The following RAD9B variants were observed in gnomAD, a reference collection of about 807,000 sequenced individuals.
The protein encoded by RAD9B is cell cycle checkpoint control protein RAD9B.
A neutral mutation model predicts 48.3 loss-of-function variants in RAD9B; 41 were observed. The observed-to-expected ratio is 0.85, with a 90% confidence interval of 0.66 to 1.10. The LOEUF is 1.10. Among genes scored for constraint, RAD9B ranks in the 50% least tolerant of loss-of-function variants. RAD9B has a pLI of 0.00. For synonymous variants in RAD9B, 160 were observed against 157.9 expected (o/e 1.01, Z -0.10); for missense variants, 444 against 485.1 (o/e 0.92, Z 0.80).
At chr12:110,510,865 G>T (rs2063437156) in intron 4 of RAD9B, among the ~76,000 whole-genome samples, 1 of 151,888 alleles carries the variant, frequency 6.6e-6, no homozygotes, top group Non-Finnish European at 1.5e-5. Context: ...GAGATGGGAG[G>T]ATCACTTGAG....
chr12:110,512,906 T>G (rs774042450), intron 5 of RAD9B, 28 bp downstream of exon 5: 1 of 1,073,002 alleles, frequency 9.3e-7, no homozygotes. Flanking sequence ...GTCAGTTTTT[T>G]TCACCTGAAT....
intron 4 of RAD9B, among the ~76,000 whole-genome samples, chr12:110,508,685 C>T (rs1229198771): frequency 1.3e-5 from 2 of 152,106 alleles, no homozygotes; most frequent in Non-Finnish European, 2.9e-5. Flanking sequence ...TGGTCTCAAA[C>T]TCCTGGGCTC....
Position 110,527,455 on chromosome 12 carries a change from C to T in RAD9B, c.1126-3070C>T, listed in dbSNP as rs577688440. On this transcript the variant is annotated intron_variant, in intron 10 of 10. Transcript: ENST00000409300. Reference sequence around the variant, plus strand: ...TTCCTGCCTGCCACAGCCAGTATCACGGCTATCTGGAGAGCAGGTTCAACA... The same window carrying T: ...TTCCTGCCTGCCACAGCCAGTATCATGGCTATCTGGAGAGCAGGTTCAACA... 7.9e-5 allele frequency among the ~76,000 whole-genome samples: 12 copies of T among 152,306 alleles called. No individual in the cohort carries two copies. In the East Asian group the frequency reaches 9.6e-4, roughly 12 times the overall value.
chr12:110,530,125 C>A (rs2064086263), intron 10 of RAD9B, among the ~76,000 whole-genome samples: 1 of 152,164 alleles, frequency 6.6e-6, no homozygotes, highest in African/African-American at 2.4e-5. Flanking sequence ...TCACTGCAAG[C>A]TCCGCCTCCC....
Position 110,515,115 on chromosome 12 carries a change from C to A in RAD9B, c.554C>A (p.Pro185Gln). Residue 185 changes from proline (P) to glutamine (Q), a missense_variant, in exon 6 of 11, where the codon CCA becomes CAA. Transcript: ENST00000409300. The stretch of plus-strand genomic sequence containing the variant: ...GAGGAAGTTACTCTTGCTGTTACTC[C>A]ACTGAATTTTTGCCTCAAGAGTTCT... ...SQEEVTLAVT[P>Q]LNFCLKSSNE... 1 of 1,555,910 alleles carries A rather than the reference C, an allele frequency of 6.4e-7. No individual in the cohort carries two copies. Among genetic ancestry groups the A allele is most frequent in the Non-Finnish European group, 8.7e-7 (1 of 1,148,236 alleles).
intron 10 of RAD9B, among the ~76,000 whole-genome samples, chr12:110,527,220 G>A (rs901341476): frequency 5.3e-5 from 8 of 152,138 alleles, no homozygotes; most frequent in Non-Finnish European, 8.8e-5. Flanking sequence ...AGCAACGGCC[G>A]TTTTTTCCAC....
chr12:110,519,902 A>G lies in RAD9B; in HGVS notation c.876A>G (p.Ser292=). Residue 292 remains serine (S), a synonymous_variant, in exon 9 of 11, where the codon TCA becomes TCG. Coordinates refer to ENST00000409300, the MANE Select transcript of RAD9B (RefSeq NM_001286535.2). The stretch of plus-strand genomic sequence containing the variant: ...CTTCACCACAGTCACTGTGTCTTTC[A>G]CAGAAACGAAAAAGGTAAGACTGTG... ...RASSPQSLCL[S]QKRKRSDLIE... 1 of 1,611,996 alleles carries G rather than the reference A, an allele frequency of 6.2e-7. No individual in the cohort carries two copies. The highest frequency in any genetic ancestry group is 1.7e-5 in the Admixed American group (1 of 59,566).
At position 110,512,775 on chromosome 12, in the gene RAD9B, T is replaced by C. The variant is rs1205946804; in HGVS notation, c.389-4T>C. The C allele has an allele frequency of 8.5e-7, 1 of 1,169,880 alleles. No homozygotes were observed. The highest frequency in any genetic ancestry group is 1.2e-6 in the Non-Finnish European group (1 of 815,118). 72.5% of individuals were successfully genotyped at this position (1,169,880 alleles called of 1,614,324 possible). A position where few individuals can be genotyped will look rare whatever the true frequency, so the allele number is the denominator to read the frequency against. On this transcript the variant is annotated splice_polypyrimidine_tract_variant and splice_region_variant and intron_variant, in intron 4 of 10. Coordinates refer to ENST00000409300, the MANE Select transcript of RAD9B (RefSeq NM_001286535.2). The stretch of plus-strand genomic sequence containing the variant: ...TATTAAGAGGTGGCTTTATTCTTTT[T>C]AAGGTATTAAAAGAACTCATAATAT...
intron 9 of RAD9B, 83 bp downstream of exon 9, chr12:110,519,999 G>A: frequency 6.9e-7 from 1 of 1,445,174 alleles, no homozygotes; most frequent in Non-Finnish European, 9.4e-7. Flanking sequence ...CATTCACTTA[G>A]GAAACAATTG....
intron 9 of RAD9B, among the ~76,000 whole-genome samples, chr12:110,520,628 C>CTTTTTTTTTTTTTTTTTTTTTTGT (rs71083129): frequency 2.0e-5 from 2 of 99,968 alleles, no homozygotes; most frequent in Non-Finnish European, 1.8e-5. Flanking sequence ...TTCTTGCTTT[C>CTTTTTTTTTTTTTTTTTTTTTTGT]TTTTTTTTTT....
chr12:110,524,716 A>G (rs1355420942), intron 10 of RAD9B, among the ~76,000 whole-genome samples: 1 of 151,752 alleles, frequency 6.6e-6, no homozygotes, highest in Non-Finnish European at 1.5e-5. Context: ...CCTGGCCAAC[A>G]TGGTGAAACC....
At chr12:110,511,500 T>C in intron 4 of RAD9B, 1 of 453,730 alleles carries the variant, frequency 2.2e-6, no homozygotes, top group Non-Finnish European at 4.4e-6. Flanking sequence ...TATTGCATGT[T>C]CTCACAATGT....
At chr12:110,529,597 A>G (rs918451548) in intron 10 of RAD9B, among the ~76,000 whole-genome samples, 1 of 152,120 alleles carries the variant, frequency 6.6e-6, no homozygotes, top group Non-Finnish European at 1.5e-5. Context: ...CGGAAAAAAA[A>G]AAAAAGGCTG....
intron 9 of RAD9B, among the ~76,000 whole-genome samples, 183 bp from the exon 10 acceptor site, chr12:110,521,994 T>C (rs1332183454): frequency 6.6e-6 from 1 of 152,084 alleles, no homozygotes; most frequent in African/African-American, 2.4e-5. Context: ...TGAAAGATTG[T>C]CTGTCAAGAG....
intron 4 of RAD9B, among the ~76,000 whole-genome samples, chr12:110,512,504 AAAG>A (rs576177748): frequency 6.6e-6 from 1 of 152,198 alleles, no homozygotes; most frequent in South Asian, 2.1e-4. Flanking sequence ...TATATTAACA[AAAG>A]AAGAACAAGA....
At chr12:110,510,029 G>C (rs2063414800) in intron 4 of RAD9B, among the ~76,000 whole-genome samples, 1 of 152,168 alleles carries the variant, frequency 6.6e-6, no homozygotes, top group African/African-American at 2.4e-5. Context: ...AGCAGTCACA[G>C]TGATCCCTTT....
At chr12:110,530,116 C>T (rs1019473706) in intron 10 of RAD9B, among the ~76,000 whole-genome samples, 3 of 152,158 alleles carry the variant, frequency 2.0e-5, no homozygotes, top group Admixed American at 1.3e-4. Context: ...GATCTCGGCT[C>T]ACTGCAAGCT....
Position 110,531,632 on chromosome 12 carries a change from T to C in RAD9B, c.*979T>C, listed in dbSNP as rs1323331133. 2 of 1,610,722 alleles carry C rather than the reference T, an allele frequency of 1.2e-6. No homozygotes were observed. Among genetic ancestry groups the C allele is most frequent in the African/African-American group, 2.7e-5 (2 of 75,018 alleles). On this transcript the variant is annotated 3_prime_UTR_variant, in exon 11 of 11. Coordinates refer to ENST00000409300, the MANE Select transcript of RAD9B (RefSeq NM_001286535.2). The stretch of plus-strand genomic sequence containing the variant: ...CCAAATATTTCTGTATTATCTGACA[T>C]AGAACAGTATCCTCCACTGCCAAGA...
intron 3 of RAD9B, among the ~76,000 whole-genome samples, chr12:110,506,304 T>C (rs998291885): frequency 6.6e-6 from 1 of 152,054 alleles, no homozygotes; most frequent in African/African-American, 2.4e-5. Context: ...TTCTCCTGCC[T>C]CAGCCTCCCG....
Sources: gnomAD v4.1 joint callset for allele counts (sites outside exome capture counted in the v4.1 genomes callset) on GRCh38, gnomAD v4.1.1 for gene constraint, MANE v1.5 for transcripts, NCBI Gene and HGNC (gene_info 2026-07-23, HGNC 2026-07-21) for gene names.